Variants in ELMOD3 observed in about 807,000 individuals in gnomAD.
ELMOD3 encodes ELMO domain-containing protein 3.
Under a neutral mutation model 47.4 loss-of-function variants are expected in ELMOD3, and 36 were observed. That is an observed-to-expected ratio of 0.76 (90% CI 0.58 to 1.00). The LOEUF (loss-of-function observed/expected upper bound fraction) is 1.00. Ranked by LOEUF, ELMOD3 falls within the 50% of genes least tolerant of loss-of-function variation. The pLI is 0.00. For synonymous variants in ELMOD3, 149 were observed against 183.5 expected (o/e 0.81, Z 1.52); for missense variants, 404 against 463.8 (o/e 0.87, Z 1.18).
rs754392544 is a variant in ELMOD3 at position 85,389,810 on chromosome 2, A to G, written c.798A>G (p.Arg266=). 13 of 1,613,918 alleles carry G rather than the reference A, an allele frequency of 8.1e-6. No homozygotes were observed. The highest frequency in any genetic ancestry group is 1.7e-5 in the Admixed American group (1 of 59,996). Residue 266 remains arginine (R), a synonymous_variant, in exon 12 of 14, where the codon AGA becomes AGG. Transcript: ENST00000409013. ...NITHIAIQAL[R]EECLSRECNR... is the part of the protein sequence containing the mutation. ...CCCACATTGCCATCCAGGCCTTGAG[A>G]GAGGAGTGTCTCTCCAGGTGAGTCC...
chr2:85,381,499 C>T (rs1436287330), intron 11 of ELMOD3, among the ~76,000 whole-genome samples: 1 of 152,200 alleles, frequency 6.6e-6, no homozygotes, highest in East Asian at 1.9e-4. Flanking sequence ...ATATAACTTC[C>T]ATAAGCCTTT....
At chr2:85,371,309 C>T (rs567069997) in intron 9 of ELMOD3, 100 bp downstream of exon 9, 3 of 1,603,216 alleles carry the variant, frequency 1.9e-6, no homozygotes, top group Non-Finnish European at 2.6e-6. Context: ...ATTGCATGTA[C>T]CATGGTTGGC....
intron 6 of ELMOD3, 109 bp downstream of exon 6, chr2:85,363,275 T>G: frequency 1.5e-6 from 1 of 676,662 alleles, no homozygotes; most frequent in Non-Finnish European, 2.7e-6. Context: ...CTTTCAGAAT[T>G]TTGTAGATGT....
rs918334909 is a variant in ELMOD3 at position 85,376,547 on chromosome 2, A to G, written c.608-797A>G. On this transcript the variant is annotated intron_variant, in intron 10 of 13. Transcript: ENST00000409013. The surrounding 1 kb of genome is among the most constrained non-coding windows in gnomAD (Gnocchi z 4.2). The stretch of plus-strand genomic sequence containing the variant: ...AGGGGGCTCCTTACCACTGGGAAAG[A>G]TAAAGTCCCAGCTCCCTGCCCGGCC... Among the ~76,000 whole-genome samples, 1 of 152,170 alleles carries G rather than the reference A, an allele frequency of 6.6e-6. No homozygotes were observed. Among genetic ancestry groups the G allele is most frequent in the African/African-American group, 2.4e-5 (1 of 41,448 alleles).
In ELMOD3 at chr2:85,371,717, C is replaced by T. The variant is rs533034176; in HGVS notation, c.607+155C>T. Reference sequence around the variant, plus strand: ...AGCAAATGCAAAAGCCCTGAGGGGGCGCCTGCTAGTTCTGCTTGAAAAATA... The same window carrying T: ...AGCAAATGCAAAAGCCCTGAGGGGGTGCCTGCTAGTTCTGCTTGAAAAATA... On this transcript the variant is annotated intron_variant, in intron 10 of 13. Transcript: ENST00000409013. 44 of 1,096,660 alleles carry T rather than the reference C, an allele frequency of 4.0e-5. No individual in the cohort carries two copies. The African/African-American group carries it at 4.9e-4, about 12-fold the overall frequency. 67.9% of individuals were successfully genotyped at this position (1,096,660 alleles called of 1,614,324 possible). A position where few individuals can be genotyped will look rare whatever the true frequency, so the allele number is the denominator to read the frequency against.
intron 11 of ELMOD3, chr2:85,387,073 C>T (rs1553422701): frequency 1.5e-6 from 2 of 1,299,732 alleles, no homozygotes; most frequent in South Asian, 2.5e-5. Flanking sequence ...TGTTACCATA[C>T]TGTTTTTCTC....
At chr2:85,358,944 T>A (rs1374343526) in intron 4 of ELMOD3, among the ~76,000 whole-genome samples, 2 of 152,200 alleles carry the variant, frequency 1.3e-5, no homozygotes, top group African/African-American at 4.8e-5. Context: ...AAAAATAAAA[T>A]GGTAAAATAG....
At chr2:85,390,458 C>A (rs1451625007) in intron 13 of ELMOD3, 193 bp downstream of exon 13, 4 of 1,614,084 alleles carry the variant, frequency 2.5e-6, no homozygotes, top group Non-Finnish European at 3.4e-6. Context: ...CTGACTGTCG[C>A]CCTTTTCTGG....
At chr2:85,382,437 CA>C (rs1227882947) in intron 11 of ELMOD3, among the ~76,000 whole-genome samples, 3,369 of 81,992 alleles carry the variant, frequency 0.041, 114 homozygotes, top group African/African-American at 0.13. Context: ...GATTCTGTCT[CA>C]AAAAAAAAAA....
At chr2:85,373,187 G>A (rs369266619) in intron 10 of ELMOD3, among the ~76,000 whole-genome samples, 7 of 151,746 alleles carry the variant, frequency 4.6e-5, no homozygotes, top group African/African-American at 1.2e-4. Context: ...CCCAGGAGGC[G>A]GAGGATGAAC....
intron 10 of ELMOD3, chr2:85,372,556 C>T: frequency 6.6e-6 from 1 of 152,078 alleles, no homozygotes; most frequent in East Asian, 1.9e-4. Flanking sequence ...GAAACAGAAT[C>T]ATTTCACCAG....
intron 8 of ELMOD3, among the ~76,000 whole-genome samples, chr2:85,370,366 GGCTGCA>G (rs1389638247): frequency 6.6e-6 from 1 of 151,500 alleles, no homozygotes; most frequent in East Asian, 1.9e-4. Flanking sequence ...AGGAGTTCAA[GGCTGCA>G]GTAAGCTATG....
rs1370347249 is a variant in ELMOD3, at chr2:85,389,749, A to G, written c.739-2A>G. 1 of 1,614,044 alleles carries G rather than the reference A, an allele frequency of 6.2e-7. No individual in the cohort carries two copies. The highest frequency in any genetic ancestry group is 1.7e-5 in the Admixed American group (1 of 60,004). On this transcript the variant is annotated splice_acceptor_variant, in intron 11 of 13. Coordinates refer to ENST00000409013, the MANE Select transcript of ELMOD3 (RefSeq NM_001135022.2). LOFTEE classifies it high-confidence loss of function. ...TGCTGACTGGGTGCCCCTCCATTCC[A>G]GCAATTCCCTTTCTGTTTGATGTCC...
intron 12 of ELMOD3, 143 bp downstream of exon 12, chr2:85,389,970 A>G (rs1381564497): frequency 8.5e-6 from 9 of 1,061,114 alleles, no homozygotes; most frequent in Non-Finnish European, 1.3e-5. Context: ...TCTCCCCAGG[A>G]CATCCCTTCT....
chr2:85,379,821 T>TG (rs1685427218), intron 11 of ELMOD3, among the ~76,000 whole-genome samples: 1 of 152,008 alleles, frequency 6.6e-6, no homozygotes, highest in African/African-American at 2.4e-5. Context: ...CAGGCAAGAC[T>TG]TTTTTTTAAA....
intron 11 of ELMOD3, among the ~76,000 whole-genome samples, chr2:85,378,269 A>T (rs1033601770): frequency 2.6e-5 from 4 of 152,162 alleles, no homozygotes; most frequent in African/African-American, 9.7e-5. Flanking sequence ...TTGAAGAGGA[A>T]CGTCTACTTT....
At chr2:85,390,017 T>C in intron 12 of ELMOD3, 121 bp from the exon 13 acceptor site, 1 of 1,150,094 alleles carries the variant, frequency 8.7e-7, no homozygotes. Context: ...TCCTGGGGAA[T>C]GGTGGGGGCA....
At chr2:85,390,568 GT>G (rs1167185840) in intron 13 of ELMOD3, 191 bp from the exon 14 acceptor site, 14 of 1,553,348 alleles carry the variant, frequency 9.0e-6, no homozygotes, top group Non-Finnish European at 1.2e-5. Context: ...AAGGTAGAGT[GT>G]GTGGTCCCTG....
intron 10 of ELMOD3, among the ~76,000 whole-genome samples, chr2:85,377,081 G>C (rs569908103): frequency 1.1e-4 from 17 of 152,352 alleles, no homozygotes; most frequent in Non-Finnish European, 2.5e-4. Context: ...TGGTGGTTTT[G>C]TGTAGAAGTA....
Sources: gnomAD v4.1 joint callset for allele counts (sites outside exome capture counted in the v4.1 genomes callset) on GRCh38, gnomAD v4.1.1 for gene constraint, Gnocchi (gnomAD v3.1) non-coding constraint, MANE v1.5 for transcripts, NCBI Gene and HGNC (gene_info 2026-07-23, HGNC 2026-07-21) for gene names.